Variants in PDE11A observed in about 807,000 individuals in gnomAD.
The protein encoded by PDE11A is dual 3',5'-cyclic-AMP and -GMP phosphodiesterase 11A.
A neutral mutation model predicts 100.5 loss-of-function variants in PDE11A; 100 were observed. That is an observed-to-expected ratio of 1.00 (90% confidence interval 0.85 to 1.18). The LOEUF is 1.18. Ranked by LOEUF, PDE11A falls within the 50% of genes most tolerant of loss-of-function variation. The pLI is 0.00. For synonymous variants in PDE11A, 381 were observed against 420.8 expected (o/e 0.91, Z 1.16); for missense variants, 1,141 against 1,152.6 (o/e 0.99, Z 0.15).
chr2:177,810,929 C>G (rs1412452800), intron 9 of PDE11A, among the ~76,000 whole-genome samples: 1 of 152,036 alleles, frequency 6.6e-6, no homozygotes, highest in Non-Finnish European at 1.5e-5. Flanking sequence ...GGCTTGGATC[C>G]TGATAGCATA....
At chr2:178,026,024 G>A (rs996036050) in intron 1 of PDE11A, among the ~76,000 whole-genome samples, 6 of 152,196 alleles carry the variant, frequency 3.9e-5, no homozygotes. Flanking sequence ...TCAAGACAGT[G>A]ATGCATGAAA....
At chr2:177,807,084 A>G (rs1316236575) in intron 9 of PDE11A, among the ~76,000 whole-genome samples, 1 of 152,208 alleles carries the variant, frequency 6.6e-6, no homozygotes, top group Non-Finnish European at 1.5e-5. Context: ...CACCAAGCAT[A>G]AGAAACATAA....
intron 19 of PDE11A, among the ~76,000 whole-genome samples, chr2:177,634,317 T>C (rs1423882220): frequency 6.6e-6 from 1 of 152,172 alleles, no homozygotes; most frequent in Non-Finnish European, 1.5e-5. Flanking sequence ...AATATCGTTT[T>C]CCTGTGGCCA....
chr2:177,776,897 T>C (rs1481101822), intron 9 of PDE11A, among the ~76,000 whole-genome samples: 2 of 152,104 alleles, frequency 1.3e-5, no homozygotes, highest in Non-Finnish European at 2.9e-5. Flanking sequence ...AGGAACCTGG[T>C]GGGAGGTAAC....
chr2:177,892,803 AC>A (rs1040281771), intron 4 of PDE11A, among the ~76,000 whole-genome samples: 12 of 152,210 alleles, frequency 7.9e-5, no homozygotes, highest in African/African-American at 2.9e-4. Context: ...GGACTAGGTC[AC>A]AACCCTGTCC....
At chr2:177,664,797 A>G (rs948648588) in intron 18 of PDE11A, among the ~76,000 whole-genome samples, 2 of 152,122 alleles carry the variant, frequency 1.3e-5, no homozygotes, top group African/African-American at 4.8e-5. Flanking sequence ...TCTAGTTATA[A>G]CTTGCCCTCC....
intron 9 of PDE11A, among the ~76,000 whole-genome samples, chr2:177,794,707 A>G (rs1256682391): frequency 6.6e-6 from 1 of 151,754 alleles, no homozygotes; most frequent in African/African-American, 2.4e-5. Context: ...CTACCCCTAC[A>G]CCGACCCCCC....
At chr2:178,094,587 T>C (rs966508686) in intron 2 of PDE11A, among the ~76,000 whole-genome samples, 6 of 152,116 alleles carry the variant, frequency 3.9e-5, no homozygotes, top group Admixed American at 3.9e-4. Context: ...TATGTATTAA[T>C]AAATAGGCAG....
chr2:177,656,083 A>G (rs2080378827), intron 19 of PDE11A, among the ~76,000 whole-genome samples: 1 of 152,230 alleles, frequency 6.6e-6, no homozygotes. Flanking sequence ...CTTTATAAAA[A>G]GATATCATAG....
rs1246237084 is a variant in PDE11A at position 178,078,361 on chromosome 2, A to G, written c.162+25941T>C. ...GTGTTTACTCAACCCAACACGATGC[A>G]TTTAATTCTCCATTTAAAAAACATT... On this transcript the variant is annotated intron_variant, in intron 2 of 20. Transcript: ENST00000358450. 2.0e-5 allele frequency among the ~76,000 whole-genome samples: 3 copies of G among 152,160 alleles called. No homozygotes were observed. The East Asian group carries it at 5.8e-4, about 29-fold the overall frequency.
At chr2:177,946,833 TG>T (rs1559019296) in intron 2 of PDE11A, among the ~76,000 whole-genome samples, 17 of 36,302 alleles carry the variant, frequency 4.7e-4, no homozygotes, top group African/African-American at 2.2e-3. Context: ...GGGAGGGAGG[TG>T]GGGGGGGTCA....
At chr2:177,809,494 T>C (rs906990132) in intron 9 of PDE11A, among the ~76,000 whole-genome samples, 1 of 152,108 alleles carries the variant, frequency 6.6e-6, no homozygotes, top group Non-Finnish European at 1.5e-5. Flanking sequence ...ATCTGAAGAA[T>C]TTATAAAAGC....
chr2:177,657,369 C>G (rs1455023978), intron 19 of PDE11A, among the ~76,000 whole-genome samples: 1 of 152,190 alleles, frequency 6.6e-6, no homozygotes, highest in Admixed American at 6.5e-5. Flanking sequence ...CTCCTTCAGG[C>G]AAATGGCGGT....
intron 10 of PDE11A, among the ~76,000 whole-genome samples, chr2:177,763,966 A>C (rs1438045): frequency 0.1 from 15,208 of 152,254 alleles, 2,426 homozygotes; most frequent in African/African-American, 0.33. Context: ...GCAGGGCATA[A>C]GGCAGACACA....
chr2:177,855,414 G>A (rs903362562), intron 5 of PDE11A, among the ~76,000 whole-genome samples: 2 of 151,996 alleles, frequency 1.3e-5, no homozygotes, highest in African/African-American at 4.8e-5. Flanking sequence ...ATTAACCAAA[G>A]ACTTGCAATA....
At chr2:177,924,125 G>A (rs1263768126) in intron 2 of PDE11A, among the ~76,000 whole-genome samples, 1 of 152,208 alleles carries the variant, frequency 6.6e-6, no homozygotes, top group East Asian at 1.9e-4. Flanking sequence ...GTAGATTTTC[G>A]CCACCTCCTT....
At chr2:177,772,470 G>A (rs2082324039) in intron 9 of PDE11A, among the ~76,000 whole-genome samples, 1 of 152,046 alleles carries the variant, frequency 6.6e-6, no homozygotes, top group Non-Finnish European at 1.5e-5. Context: ...ATATCAATAG[G>A]TATTTCAGTG....
At chr2:177,673,655 T>C (rs2080720961) in intron 17 of PDE11A, among the ~76,000 whole-genome samples, 1 of 152,140 alleles carries the variant, frequency 6.6e-6, no homozygotes. Flanking sequence ...TGATGGGACA[T>C]TTGGGTTGTC....
chr2:178,059,499 G>A (rs756946877), intron 1 of PDE11A, among the ~76,000 whole-genome samples: 31 of 152,212 alleles, frequency 2.0e-4, no homozygotes, highest in Non-Finnish European at 4.0e-4. Flanking sequence ...GCCTAGGGAA[G>A]GGGAGATTGA....
Sources: allele counts gnomAD v4.1 joint callset (sites outside exome capture counted in the v4.1 genomes callset), GRCh38; gene constraint gnomAD v4.1.1; transcripts MANE v1.5; gene names NCBI Gene and HGNC (gene_info 2026-07-23, HGNC 2026-07-21).